Variants in HJURP observed in about 807,000 individuals in gnomAD.
The protein encoded by HJURP is 14-3-3-associated AKT substrate.
In HJURP, 49 loss-of-function variants were observed where a neutral mutation model predicts 72.0. That is an observed-to-expected ratio of 0.68 (90% confidence interval 0.54 to 0.86). The LOEUF (loss-of-function observed/expected upper bound fraction) is 0.86, where lower values mean the gene tolerates loss of function less well. HJURP is among the 40% of genes least tolerant of loss of function. The probability of loss-of-function intolerance (pLI) is 0.00; values close to 1 mark genes in which losing one functional copy is unlikely to be tolerated. For synonymous variants in HJURP, 357 were observed against 347.1 expected (o/e 1.03, Z -0.32); for missense variants, 908 against 936.3 (o/e 0.97, Z 0.39).
intron 8 of HJURP, among the ~76,000 whole-genome samples, chr2:233,839,764 C>T (rs1232949430): frequency 6.6e-6 from 1 of 152,170 alleles, no homozygotes; most frequent in Non-Finnish European, 1.5e-5. Context: ...AGAAGAGGCA[C>T]ATCGCCAGGC....
At chr2:233,854,297 A>C in intron 1 of HJURP, 87 bp downstream of exon 1, 1 of 890,700 alleles carries the variant, frequency 1.1e-6, no homozygotes, top group East Asian at 2.6e-5. Context: ...GAGTCCTCAG[A>C]GCCCCTTCCC....
At chr2:233,839,701 G>C (rs373227733) in intron 8 of HJURP, among the ~76,000 whole-genome samples, 17 of 152,188 alleles carry the variant, frequency 1.1e-4, no homozygotes, top group Admixed American at 5.2e-4. Context: ...CCAGGTGGGA[G>C]AAACAGAAAA....
At chr2:233,845,863 T>G in intron 5 of HJURP, 43 bp from the exon 6 acceptor site, 1 of 1,270,642 alleles carries the variant, frequency 7.9e-7, no homozygotes, top group South Asian at 1.2e-5. Flanking sequence ...AGCTTCTGAG[T>G]ATAGCTGACC....
chr2:233,844,099 C>G lies in HJURP; in HGVS notation c.574+106G>C, dbSNP rs1705296903. 5.3e-6 allele frequency: 4 copies of G among 757,146 alleles called. No homozygotes were observed. In the Admixed American group the frequency reaches 8.7e-5, roughly 16 times the overall value. The allele number at this position is 757,146 out of a possible 1,614,324, so 46.9% of individuals were successfully genotyped here. ...AACAAGTTATGTTGATGAAACACAC[C>G]AGGAAATGATGGCGTGGCCAGTATG... On this transcript the variant is annotated intron_variant, in intron 7 of 8. Transcript: ENST00000411486.
intron 2 of HJURP, among the ~76,000 whole-genome samples, chr2:233,853,297 A>G (rs1705539123): frequency 6.6e-6 from 1 of 152,228 alleles, no homozygotes; most frequent in Non-Finnish European, 1.5e-5. Flanking sequence ...GCTATTTACC[A>G]AAAAGAATCC....
intron 6 of HJURP, among the ~76,000 whole-genome samples, chr2:233,845,132 G>A (rs1198164430): frequency 6.6e-6 from 1 of 151,944 alleles, no homozygotes; most frequent in East Asian, 1.9e-4. Flanking sequence ...CTGCTCTTAA[G>A]AGTCCCGTGT....
chr2:233,840,413 A>G (rs1705189850), intron 8 of HJURP, among the ~76,000 whole-genome samples, 196 bp downstream of exon 8: 1 of 152,260 alleles, frequency 6.6e-6, no homozygotes. Context: ...CATCTTACAC[A>G]GGGACACATT....
rs199633238 is a variant in HJURP, at chr2:233,844,966, TC to T, written c.496-684del. On this transcript the variant is annotated intron_variant, in intron 6 of 8. Coordinates refer to ENST00000411486, the MANE Select transcript of HJURP (RefSeq NM_018410.5). Reference sequence around the variant, plus strand: ...TGTGCCCACCTCTCATGCCATCACATCCCCCCCCTCCCAACATGACCTCTCA... The same window carrying T: ...TGTGCCCACCTCTCATGCCATCACATCCCCCCCTCCCAACATGACCTCTCA... Among the ~76,000 whole-genome samples, 493 of 141,506 alleles carry T rather than the reference TC, an allele frequency of 3.5e-3. 2 individuals are homozygous for T. The highest frequency in any genetic ancestry group is 0.012 in the African/African-American group (461 of 37,938). The allele number at this position is 141,506 out of a possible 152,430, so 92.8% of individuals were successfully genotyped here.
chr2:233,853,093 A>T (rs1705535167), intron 2 of HJURP, among the ~76,000 whole-genome samples: 1 of 152,210 alleles, frequency 6.6e-6, no homozygotes, highest in South Asian at 2.1e-4. Context: ...CTTTTCACCC[A>T]AGATGTGTCT....
At chr2:233,842,548 C>T (rs921842378) in intron 7 of HJURP, among the ~76,000 whole-genome samples, 6 of 151,562 alleles carry the variant, frequency 4.0e-5, no homozygotes, top group Non-Finnish European at 7.4e-5. Flanking sequence ...CAAACCTCTT[C>T]ATATAGCTTT....
intron 6 of HJURP, among the ~76,000 whole-genome samples, chr2:233,844,748 G>A (rs140515905): frequency 9.2e-5 from 14 of 152,318 alleles, no homozygotes; most frequent in Admixed American, 6.5e-4. Flanking sequence ...CCACTAAGTC[G>A]GTGGTCCACA....
In HJURP at chr2:233,840,815, T is replaced by C. The variant is rs761134622; in HGVS notation, c.1965A>G (p.Ala655=). 1 of 1,613,672 alleles carries C rather than the reference T, an allele frequency of 6.2e-7. No homozygotes were observed. Among genetic ancestry groups the C allele is most frequent in the South Asian group, 1.1e-5 (1 of 91,048 alleles). Residue 655 remains alanine, a synonymous_variant, in exon 8 of 9, where the codon GCA becomes GCG. Coordinates refer to ENST00000411486, the MANE Select transcript of HJURP (RefSeq NM_018410.5). ...GCRKSLLGST[A]IEAPSSTCVA... ...CACATGTAGATGAAGGAGCCTCAAT[T>C]GCAGTTGAGCCCAGTAGACTTTTTC...
chr2:233,845,125 C>T (rs1189724914), intron 6 of HJURP, among the ~76,000 whole-genome samples: 1 of 152,010 alleles, frequency 6.6e-6, no homozygotes, highest in African/African-American at 2.4e-5. Flanking sequence ...GTCAGGGCTG[C>T]TCTTAAGAGT....
At position 233,840,793 on chromosome 2, in the gene HJURP, A is replaced by G. The variant is rs775211202; in HGVS notation, c.1987T>C (p.Cys663Arg). 16 of 1,613,606 alleles carry G rather than the reference A, an allele frequency of 9.9e-6. No homozygotes were observed. Among genetic ancestry groups the G allele is most frequent in the Non-Finnish European group, 1.4e-5 (16 of 1,179,868 alleles). Reference sequence around the variant, plus strand: ...TCCCTCGTGATGGCACGAGCAACACATGTAGATGAAGGAGCCTCAATTGCA... The same window carrying G: ...TCCCTCGTGATGGCACGAGCAACACGTGTAGATGAAGGAGCCTCAATTGCA... ...STAIEAPSSTCVARAITRDGT... is the reference protein window; with the variant it reads ...STAIEAPSSTRVARAITRDGT... Residue 663 changes from cysteine (C) to arginine (R), a missense_variant, in exon 8 of 9, where the codon TGT becomes CGT. Physicochemically the swap from Cys to Arg is radical, Grantham distance 180. Coordinates refer to ENST00000411486, the MANE Select transcript of HJURP (RefSeq NM_018410.5).
At position 233,846,853 on chromosome 2, in the gene HJURP, GA is replaced by G. The variant is rs1705374575; in HGVS notation, c.402+543del. Among the ~76,000 whole-genome samples the G allele has an allele frequency of 6.6e-6, 1 of 152,192 alleles. No homozygotes were observed. Among genetic ancestry groups the G allele is most frequent in the Non-Finnish European group, 1.5e-5 (1 of 68,028 alleles). Reference sequence around the variant, plus strand: ...TAAATTCGCATCTATCCCAACCAAGGAGGATAAGAAGCACATCCCATAAGAA... The same window carrying G: ...TAAATTCGCATCTATCCCAACCAAGGGGATAAGAAGCACATCCCATAAGAA... On this transcript the variant is annotated intron_variant, in intron 5 of 8. Coordinates refer to ENST00000411486, the MANE Select transcript of HJURP (RefSeq NM_018410.5). This position sits in a 1 kb window ranked among gnomAD's most constrained non-coding sequence, Gnocchi z 4.3.
rs1248854990 is a variant in HJURP, at chr2:233,845,689, T to C, written c.495+39A>G. On this transcript the variant is annotated intron_variant, in intron 6 of 8. Coordinates refer to ENST00000411486, the MANE Select transcript of HJURP (RefSeq NM_018410.5). Reference sequence around the variant, plus strand: ...GTACCTCAATGTATTTAGTTTATGATCTAATTATATAAAAACAAACAACTG... The same window carrying C: ...GTACCTCAATGTATTTAGTTTATGACCTAATTATATAAAAACAAACAACTG... The C allele has an allele frequency of 2.3e-6, 3 of 1,294,878 alleles. No individual in the cohort carries two copies. The Admixed American group carries it at 5.5e-5, about 24-fold the overall frequency. 80.2% of individuals were successfully genotyped at this position (1,294,878 alleles called of 1,614,324 possible). A position where few individuals can be genotyped will look rare whatever the true frequency, so the allele number is the denominator to read the frequency against.
intron 3 of HJURP, among the ~76,000 whole-genome samples, chr2:233,851,597 A>G (rs1705497556): frequency 6.6e-6 from 1 of 152,166 alleles, no homozygotes; most frequent in South Asian, 2.1e-4. Context: ...ATATAATTTT[A>G]TAATTATACA....
At chr2:233,852,722 T>C (rs1472730826) in intron 2 of HJURP, 102 bp from the exon 3 acceptor site, 20 of 835,660 alleles carry the variant, frequency 2.4e-5, no homozygotes, top group Admixed American at 4.6e-5. Flanking sequence ...AAAAAAAAGG[T>C]ACAATATTAA....
chr2:233,853,963 A>T, intron 1 of HJURP, 53 bp from the exon 2 acceptor site: 3 of 1,526,438 alleles, frequency 2.0e-6, no homozygotes, highest in Non-Finnish European at 1.8e-6. Flanking sequence ...GAGGGGCCCC[A>T]GACCCGGGAG....
Sources: allele counts gnomAD v4.1 joint callset (sites outside exome capture counted in the v4.1 genomes callset), GRCh38; gene constraint gnomAD v4.1.1; non-coding constraint Gnocchi (gnomAD v3.1); transcripts MANE v1.5; gene names NCBI Gene and HGNC (gene_info 2026-07-23, HGNC 2026-07-21).